FBXL13: variants seen among roughly 807,000 people sequenced by gnomAD.
FBXL13 encodes F-box and leucine rich repeat protein 13.
Under a neutral mutation model 83.6 loss-of-function variants are expected in FBXL13, and 67 were observed. The observed-to-expected ratio is 0.80, with a 90% confidence interval of 0.66 to 0.98. The LOEUF is 0.98. FBXL13 is among the 50% of genes least tolerant of loss of function. The pLI, the probability that FBXL13 is intolerant of heterozygous loss-of-function variation, is 0.00. For synonymous variants in FBXL13, 272 were observed against 299.5 expected, an observed-to-expected ratio of 0.91 and a Z score of 0.95; for missense variants, 822 against 866.5, an observed-to-expected ratio of 0.95 and a Z score of 0.64.
intron 1 of FBXL13, among the ~76,000 whole-genome samples, chr7:103,061,035 G>T (rs1797852415): frequency 6.6e-6 from 1 of 152,114 alleles, no homozygotes; most frequent in African/African-American, 2.4e-5. Context: ...TTTTAACATT[G>T]AAATAGATGG....
At chr7:102,891,490 G>A (rs747146022) in intron 11 of FBXL13, among the ~76,000 whole-genome samples, 6 of 152,142 alleles carry the variant, frequency 3.9e-5, no homozygotes, top group African/African-American at 7.2e-5. Context: ...TAACTGTATC[G>A]TTTACAGTAC....
chr7:103,074,524 C>T (rs1799445892), exon 1 of FBXL13: 1 of 1,205,842 alleles, frequency 8.3e-7, no homozygotes, highest in African/African-American at 1.6e-5. Flanking sequence ...GTCTTCAGCC[C>T]TGATCGCCTA....
chr7:102,886,549 ATACT>A (rs2129459545), intron 11 of FBXL13, among the ~76,000 whole-genome samples: 1 of 152,364 alleles, frequency 6.6e-6, no homozygotes, highest in South Asian at 2.1e-4. Context: ...TTCTTGTTAT[ATACT>A]TACATCACCA....
intron 2 of FBXL13, 66 bp from the exon 4 acceptor site, chr7:103,029,484 C>G (rs902068808): frequency 2.3e-6 from 2 of 854,634 alleles, no homozygotes; most frequent in Non-Finnish European, 3.4e-6. Context: ...ACTACCTCTG[C>G]AAGATACTCA....
intron 17 of FBXL13, among the ~76,000 whole-genome samples, chr7:102,837,273 T>C (rs756898389): frequency 3.3e-5 from 5 of 152,112 alleles, no homozygotes; most frequent in Admixed American, 1.3e-4. Context: ...ACTCTTGCAT[T>C]CCCACCTTCC....
intron 6 of FBXL13, among the ~76,000 whole-genome samples, chr7:103,018,322 A>C (rs1391751494): frequency 1.3e-5 from 2 of 152,204 alleles, no homozygotes; most frequent in African/African-American, 4.8e-5. Context: ...CTCCTGAAGG[A>C]AGCACTAAAC....
chr7:103,033,539 T>C (rs150792947), intron 2 of FBXL13, among the ~76,000 whole-genome samples: 1,675 of 152,310 alleles, frequency 0.011, 35 homozygotes, highest in African/African-American at 0.039. Flanking sequence ...TTCGTGGTCT[T>C]GCTGGCTCAA....
chr7:102,851,495 CCTT>C (rs1438579698), intron 17 of FBXL13, among the ~76,000 whole-genome samples: 1 of 130,082 alleles, frequency 7.7e-6, no homozygotes, highest in East Asian at 2.5e-4. Context: ...TCCTTCTTCT[CCTT>C]CTCCTTCTTC....
chr7:103,058,841 C>T (rs1797590538), intron 1 of FBXL13, among the ~76,000 whole-genome samples: 1 of 152,174 alleles, frequency 6.6e-6, no homozygotes. Flanking sequence ...CCAAGCTCCA[C>T]TTATAATAAA....
At chr7:103,072,702 C>G (rs1435202627) in intron 1 of FBXL13, among the ~76,000 whole-genome samples, 1 of 152,210 alleles carries the variant, frequency 6.6e-6, no homozygotes, top group Non-Finnish European at 1.5e-5. Flanking sequence ...TGACCCCCAC[C>G]TCCTGTGTTT....
At chr7:102,868,741 CA>C (rs1328653400) in intron 16 of FBXL13, among the ~76,000 whole-genome samples, 2 of 152,224 alleles carry the variant, frequency 1.3e-5, no homozygotes, top group Admixed American at 1.3e-4. Flanking sequence ...TATCTGGGCT[CA>C]CTGCAACCTC....
rs754153065 is a variant in FBXL13, at chr7:102,844,572, T to TA, written c.1719+10204dup. Among the ~76,000 whole-genome samples the TA allele has an allele frequency of 7.9e-5, 12 of 152,124 alleles. No homozygotes were observed. In the East Asian group the frequency reaches 1.2e-3, roughly 15 times the overall value. On this transcript the variant is annotated intron_variant, in intron 17 of 19. Transcript: ENST00000313221. ...AAACACAGACAAAATCATGCCATAT[T>TA]AAAAAAACTGTTTTTTTCTCTATAG... is the stretch of plus-strand genomic sequence containing the variant.
At chr7:103,028,417 A>C (rs1413331112) in intron 4 of FBXL13, among the ~76,000 whole-genome samples, 183 bp downstream of exon 5, 3 of 152,228 alleles carry the variant, frequency 2.0e-5, no homozygotes, top group South Asian at 4.1e-4. Context: ...TATTAAAATA[A>C]AATCCTTTGA....
intron 17 of FBXL13, among the ~76,000 whole-genome samples, chr7:102,854,339 G>A (rs57135623): frequency 0.064 from 9,685 of 152,104 alleles, 346 homozygotes; most frequent in South Asian, 0.13. Context: ...CATGGACACA[G>A]GAAGGGGAAC....
At chr7:102,913,599 C>T (rs1158596268) in intron 10 of FBXL13, among the ~76,000 whole-genome samples, 1 of 151,830 alleles carries the variant, frequency 6.6e-6, no homozygotes, top group Admixed American at 6.6e-5. Context: ...CTCTGGAGTA[C>T]CAAAATAATG....
At chr7:102,872,882 C>G (rs865876041) in intron 16 of FBXL13, among the ~76,000 whole-genome samples, 9 of 152,284 alleles carry the variant, frequency 5.9e-5, no homozygotes, top group African/African-American at 2.2e-4. Flanking sequence ...TCCTCTTTCC[C>G]TAATATGTAC....
At chr7:103,017,284 T>C (rs4437568) in intron 6 of FBXL13, among the ~76,000 whole-genome samples, 145,691 of 149,752 alleles carry the variant, frequency 0.97, 71,059 homozygotes, top group East Asian at 1. Context: ...AGAAGGAAAA[T>C]TAACAAACAG....
At chr7:103,028,637 C>A in exon 4 of FBXL13, 1 of 1,593,190 alleles carries the variant, frequency 6.3e-7, no homozygotes, top group Non-Finnish European at 8.5e-7. Flanking sequence ...TATAAGAGTG[C>A]CAGTGATGAA....
intron 16 of FBXL13, among the ~76,000 whole-genome samples, chr7:102,873,699 C>T (rs1228187714): frequency 6.6e-6 from 1 of 152,170 alleles, no homozygotes; most frequent in African/African-American, 2.4e-5. Context: ...GGCCTCTGGG[C>T]CCTCAGTGAC....
Sources: gnomAD v4.1 joint callset for allele counts (sites outside exome capture counted in the v4.1 genomes callset) on GRCh38, gnomAD v4.1.1 for gene constraint, MANE v1.5 for transcripts, NCBI Gene and HGNC (gene_info 2026-07-23, HGNC 2026-07-21) for gene names.